KIF26B: variants seen among roughly 807,000 people sequenced by gnomAD.
KIF26B encodes kinesin family member 26B.
In KIF26B, 63 loss-of-function variants were observed where a neutral mutation model predicts 151.2. The observed-to-expected ratio is 0.42, with a 90% CI of 0.34 to 0.51. The LOEUF (loss-of-function observed/expected upper bound fraction) is 0.51. Ranked by LOEUF, KIF26B falls within the 20% of genes least tolerant of loss-of-function variation. The pLI, the probability that KIF26B is intolerant of heterozygous loss-of-function variation, is 0.07. For synonymous variants in KIF26B, 1,357 were observed against 1,262.1 expected (o/e 1.08, Z -1.59); for missense variants, 2,813 against 2,913.6 (o/e 0.97, Z 0.79).
chr1:245,345,935 C>CTTTTT (rs773751148), intron 2 of KIF26B, among the ~76,000 whole-genome samples: 27 of 123,704 alleles, frequency 2.2e-4, no homozygotes, highest in Non-Finnish European at 3.0e-4. Flanking sequence ...TTCTTTCTTT[C>CTTTTT]TTTTTTTTTT....
At chr1:245,590,247 C>G (rs1428448603) in intron 5 of KIF26B, among the ~76,000 whole-genome samples, 2 of 150,860 alleles carry the variant, frequency 1.3e-5, no homozygotes, top group Admixed American at 6.6e-5. Context: ...CGCACCGTGC[C>G]GCGCATGCGC....
At chr1:245,423,245 TATTA>T (rs1444608173) in intron 4 of KIF26B, among the ~76,000 whole-genome samples, 14 of 152,324 alleles carry the variant, frequency 9.2e-5, no homozygotes, top group Middle Eastern at 6.8e-3. Context: ...CATCACTCAC[TATTA>T]ACTACCTCTT....
chr1:245,381,100 C>T (rs1400667932), intron 3 of KIF26B, among the ~76,000 whole-genome samples: 1 of 152,052 alleles, frequency 6.6e-6, no homozygotes, highest in Non-Finnish European at 1.5e-5. Flanking sequence ...GGAGACAGGG[C>T]CATCTCCCTG....
intron 2 of KIF26B, among the ~76,000 whole-genome samples, chr1:245,255,876 G>A (rs1397744307): frequency 1.3e-5 from 2 of 152,174 alleles, no homozygotes; most frequent in Non-Finnish European, 2.9e-5. Flanking sequence ...TAAATTGTTA[G>A]ACATGGTTCT....
chr1:245,573,603 G>C (rs1167511476), intron 5 of KIF26B, among the ~76,000 whole-genome samples: 1 of 152,032 alleles, frequency 6.6e-6, no homozygotes, highest in Non-Finnish European at 1.5e-5. Context: ...TCATCTTATT[G>C]CTTATTTTTT....
At chr1:245,566,642 T>A (rs12138627) in intron 5 of KIF26B, among the ~76,000 whole-genome samples, 35,978 of 152,212 alleles carry the variant, frequency 0.24, 5,423 homozygotes, top group East Asian at 0.56. Context: ...TTAAAATTCC[T>A]TTCTGGGCTG....
In KIF26B at chr1:245,498,030, A is replaced by G. The variant is rs888823343; in HGVS notation, c.1167-42737A>G. Among the ~76,000 whole-genome samples, 4 of 152,282 alleles carry G rather than the reference A, an allele frequency of 2.6e-5. No homozygotes were observed. In the East Asian group the frequency reaches 7.7e-4, roughly 29 times the overall value. On this transcript the variant is annotated intron_variant, in intron 4 of 14. Transcript: ENST00000407071. ...GTGCTGAGATTTATTCTATCATATT[A>G]TCATTCATCTCAAACTCCATATGTA...
intron 2 of KIF26B, among the ~76,000 whole-genome samples, chr1:245,356,472 G>A (rs59778774): frequency 1.3e-5 from 2 of 152,040 alleles, no homozygotes; most frequent in African/African-American, 2.4e-5. Flanking sequence ...CAGGAGAATT[G>A]CTTGAACCTA....
At chr1:245,481,637 C>T (rs1242541749) in intron 4 of KIF26B, among the ~76,000 whole-genome samples, 1 of 151,874 alleles carries the variant, frequency 6.6e-6, no homozygotes, top group African/African-American at 2.4e-5. Flanking sequence ...GAGTGTCAAA[C>T]CTCCTGTCAA....
intron 4 of KIF26B, among the ~76,000 whole-genome samples, chr1:245,518,839 G>T (rs919421562): frequency 1.3e-5 from 2 of 152,194 alleles, no homozygotes; most frequent in African/African-American, 4.8e-5. Context: ...AATCTTTGAA[G>T]AATGATGTTC....
chr1:245,261,793 G>C (rs1273425233), intron 2 of KIF26B, among the ~76,000 whole-genome samples: 3 of 151,590 alleles, frequency 2.0e-5, no homozygotes, highest in African/African-American at 7.3e-5. Context: ...CATGTGCCCA[G>C]GCTGGCCTCA....
intron 2 of KIF26B, among the ~76,000 whole-genome samples, chr1:245,313,628 T>G (rs1246850859): frequency 6.6e-6 from 1 of 152,212 alleles, no homozygotes; most frequent in Non-Finnish European, 1.5e-5. Flanking sequence ...CAGGCTCCCC[T>G]TTAACCATGT....
intron 4 of KIF26B, among the ~76,000 whole-genome samples, chr1:245,471,864 T>A (rs1339709092): frequency 1.3e-5 from 2 of 151,908 alleles, no homozygotes; most frequent in Non-Finnish European, 2.9e-5. Flanking sequence ...CGATCTCGGC[T>A]CACTGCAACC....
chr1:245,461,458 C>A (rs989105698), intron 4 of KIF26B, among the ~76,000 whole-genome samples: 1 of 152,126 alleles, frequency 6.6e-6, no homozygotes, highest in Non-Finnish European at 1.5e-5. Context: ...AATCTTATAA[C>A]TAATTAGATC....
intron 2 of KIF26B, among the ~76,000 whole-genome samples, chr1:245,193,760 C>T (rs1161551188): frequency 3.3e-5 from 5 of 152,208 alleles, no homozygotes; most frequent in African/African-American, 1.2e-4. Flanking sequence ...TCATCTGTCG[C>T]CAGAGCGTCC....
rs771746599 is a variant in KIF26B, at chr1:245,540,543, C to T, written c.1167-224C>T. 1.4e-6 allele frequency: 1 copy of T among 699,122 alleles called. No homozygotes were observed. The highest frequency in any genetic ancestry group is 2.7e-5 in the East Asian group (1 of 36,858). 43.3% of individuals were successfully genotyped at this position (699,122 alleles called of 1,614,324 possible). A position where few individuals can be genotyped will look rare whatever the true frequency, so the allele number is the denominator to read the frequency against. On this transcript the variant is annotated intron_variant, in intron 4 of 14. Coordinates refer to ENST00000407071, the MANE Select transcript of KIF26B (RefSeq NM_018012.4). This position sits in a 1 kb window ranked among gnomAD's most constrained non-coding sequence, Gnocchi z 4.6. ...TGTAAATCGTGATTGCAGAATCCTG[C>T]TATTTTATGGCTTTGTTTTTCCTTT...
intron 2 of KIF26B, among the ~76,000 whole-genome samples, chr1:245,361,649 G>A (rs900379588): frequency 5.3e-5 from 8 of 152,160 alleles, no homozygotes; most frequent in Non-Finnish European, 1.2e-4. Flanking sequence ...AGGCGATCAA[G>A]CAGGGGTGCA....
At chr1:245,464,391 G>A (rs1051729509) in intron 4 of KIF26B, among the ~76,000 whole-genome samples, 1 of 151,206 alleles carries the variant, frequency 6.6e-6, no homozygotes, top group Non-Finnish European at 1.5e-5. Context: ...AGGTGTGTGT[G>A]TGTGGGTGTG....
chr1:245,559,786 T>A (rs774699507), intron 5 of KIF26B, among the ~76,000 whole-genome samples: 1 of 152,072 alleles, frequency 6.6e-6, no homozygotes, highest in Non-Finnish European at 1.5e-5. Context: ...ACTCAAGTGA[T>A]CCTCCCACCT....
Sources: gnomAD v4.1 joint callset for allele counts (sites outside exome capture counted in the v4.1 genomes callset) on GRCh38, gnomAD v4.1.1 for gene constraint, Gnocchi (gnomAD v3.1) non-coding constraint, MANE v1.5 for transcripts, NCBI Gene and HGNC (gene_info 2026-07-23, HGNC 2026-07-21) for gene names.